Variants in NCOA2 observed in about 807,000 individuals in gnomAD.
NCOA2 encodes the protein class E basic helix-loop-helix protein 75.
NCOA2 carries 21 observed loss-of-function variants against 145.1 expected under a neutral mutation model. That is an observed-to-expected ratio of 0.14 (90% CI 0.10 to 0.21). The LOEUF is 0.21. Ranked by LOEUF, NCOA2 falls within the 10% of genes least tolerant of loss-of-function variation. NCOA2 has a pLI of 1.00. For synonymous variants in NCOA2, 619 were observed against 637.5 expected, an observed-to-expected ratio of 0.97 and a Z score of 0.44; for missense variants, 1,472 against 1,837.6, an observed-to-expected ratio of 0.80 and a Z score of 3.64.
chr8:70,169,622 C>G lies in NCOA2; in HGVS notation c.541+580G>C, dbSNP rs570864319. 8.5e-5 allele frequency among the ~76,000 whole-genome samples: 13 copies of G among 152,278 alleles called. No homozygotes were observed. The South Asian group carries it at 1.5e-3, about 17-fold the overall frequency. On this transcript the variant is annotated intron_variant, in intron 6 of 22. Transcript: ENST00000452400. ...ATGTGTCACCTTAAAAAAACAATCT[C>G]TGCATTATAGCACAAAGGACAGATG... is the stretch of plus-strand genomic sequence containing the variant.
intron 1 of NCOA2, among the ~76,000 whole-genome samples, chr8:70,398,477 TAAC>T (rs768061883): frequency 6.6e-6 from 1 of 151,910 alleles, no homozygotes; most frequent in African/African-American, 2.4e-5. Flanking sequence ...ATAATAATAA[TAAC>T]AACAACAGCA....
At chr8:70,453,409 G>T in the NCOA2 span, among the ~76,000 whole-genome samples, 1 of 152,182 alleles carries the variant, frequency 6.6e-6, no homozygotes, top group South Asian at 2.1e-4. Context: ...GAGTGGAGAT[G>T]AAACTAATCC....
rs941451103 is a variant in NCOA2, at chr8:70,112,006, A to AT, written c.*1625dup. ...TGAAACTGACACCTATTAATAAAAG[A>AT]TTTTTCCCCTACCAGAGTGGGCAAG... On this transcript the variant is annotated 3_prime_UTR_variant, in exon 23 of 23. Transcript: ENST00000452400. The AT allele has an allele frequency of 1.2e-4, 26 of 217,732 alleles. No homozygotes were observed. Among genetic ancestry groups the AT allele is most frequent in the African/African-American group, 5.4e-4 (24 of 44,602 alleles). The allele number at this position is 217,732 out of a possible 1,614,324, so 13.5% of individuals were successfully genotyped here. A position where few individuals can be genotyped will look rare whatever the true frequency, so the allele number is the denominator to read the frequency against.
At chr8:70,307,501 G>C (rs948510080) in intron 1 of NCOA2, among the ~76,000 whole-genome samples, 3 of 152,132 alleles carry the variant, frequency 2.0e-5, no homozygotes, top group Non-Finnish European at 4.4e-5. Flanking sequence ...CTTTCATTTT[G>C]ATGAAAATCT....
At chr8:70,437,760 A>G in the NCOA2 span, among the ~76,000 whole-genome samples, 1 of 152,222 alleles carries the variant, frequency 6.6e-6, no homozygotes, top group African/African-American at 2.4e-5. Context: ...AAATGAATGT[A>G]CAGCAAAAAA....
chr8:70,355,949 A>G (rs1809650021), intron 1 of NCOA2, among the ~76,000 whole-genome samples: 1 of 152,122 alleles, frequency 6.6e-6, no homozygotes, highest in Non-Finnish European at 1.5e-5. Flanking sequence ...TTTTATGCTA[A>G]TCTCTCTCAT....
the NCOA2 span, among the ~76,000 whole-genome samples, chr8:70,444,405 T>C: frequency 6.6e-6 from 1 of 152,184 alleles, no homozygotes; most frequent in African/African-American, 2.4e-5. Context: ...ATCTTTATGA[T>C]GAAACTATTA....
chr8:70,328,419 G>C (rs1478446475), intron 1 of NCOA2, among the ~76,000 whole-genome samples: 1 of 152,020 alleles, frequency 6.6e-6, no homozygotes, highest in Non-Finnish European at 1.5e-5. Context: ...GTCCTCTCTA[G>C]GTCTCCTAGA....
chr8:70,260,742 A>G (rs896559187), intron 2 of NCOA2, among the ~76,000 whole-genome samples: 129 of 152,364 alleles, frequency 8.5e-4, no homozygotes, highest in African/African-American at 3.0e-3. Context: ...CCTTAAAAGC[A>G]GGAACAGTAA....
intron 1 of NCOA2, among the ~76,000 whole-genome samples, chr8:70,355,593 T>C (rs771487340): frequency 1.3e-4 from 20 of 152,058 alleles, no homozygotes; most frequent in East Asian, 3.9e-4. Context: ...CTTTTTTTTT[T>C]TCTCTCATCG....
chr8:70,371,211 C>T (rs1395767947), intron 1 of NCOA2, among the ~76,000 whole-genome samples: 1 of 152,080 alleles, frequency 6.6e-6, no homozygotes, highest in Non-Finnish European at 1.5e-5. Flanking sequence ...ATGGCATAAA[C>T]CCAGGAGGTG....
intron 1 of NCOA2, among the ~76,000 whole-genome samples, chr8:70,328,307 G>A (rs1047536839): frequency 3.3e-5 from 5 of 152,118 alleles, no homozygotes; most frequent in South Asian, 2.1e-4. Flanking sequence ...GAAAGAAACC[G>A]ATTATTTTTC....
intron 14 of NCOA2, among the ~76,000 whole-genome samples, chr8:70,139,290 C>T (rs1034186063): frequency 2.0e-5 from 3 of 152,104 alleles, no homozygotes; most frequent in African/African-American, 7.2e-5. Flanking sequence ...TACAATAAAG[C>T]TTATAGAGCC....
At chr8:70,259,043 T>C (rs1823887593) in intron 2 of NCOA2, among the ~76,000 whole-genome samples, 1 of 152,216 alleles carries the variant, frequency 6.6e-6, no homozygotes, top group South Asian at 2.1e-4. Context: ...TGACTTGGCC[T>C]GGCATTTTTA....
At chr8:70,393,454 T>A (rs1441549861) in intron 1 of NCOA2, among the ~76,000 whole-genome samples, 1 of 152,112 alleles carries the variant, frequency 6.6e-6, no homozygotes, top group African/African-American at 2.4e-5. Context: ...CCATCCTCTA[T>A]CTACCTACCA....
the NCOA2 span, among the ~76,000 whole-genome samples, chr8:70,414,914 C>T: frequency 6.6e-6 from 1 of 151,826 alleles, no homozygotes; most frequent in African/African-American, 2.4e-5. Context: ...ACATGAAGCC[C>T]AGGAGATAAT....
chr8:70,364,170 G>A (rs550027634), intron 1 of NCOA2, among the ~76,000 whole-genome samples: 2 of 151,992 alleles, frequency 1.3e-5, no homozygotes, highest in Non-Finnish European at 2.9e-5. Flanking sequence ...TGGAGAGGAA[G>A]CATTACCTTA....
intron 2 of NCOA2, among the ~76,000 whole-genome samples, chr8:70,222,175 T>A (rs1228718650): frequency 3.9e-5 from 6 of 152,194 alleles, no homozygotes; most frequent in Non-Finnish European, 2.9e-5. Flanking sequence ...TTCAAATAAA[T>A]CCAGAAAAAT....
At chr8:70,198,757 C>CA (rs1817598497) in intron 4 of NCOA2, among the ~76,000 whole-genome samples, 2 of 152,026 alleles carry the variant, frequency 1.3e-5, no homozygotes, top group African/African-American at 4.8e-5. Flanking sequence ...TCGGTAAGGA[C>CA]AAAACAGGTG....
Sources: gnomAD v4.1 joint callset for allele counts (sites outside exome capture counted in the v4.1 genomes callset) on GRCh38, gnomAD v4.1.1 for gene constraint, MANE v1.5 for transcripts, NCBI Gene and HGNC (gene_info 2026-07-23, HGNC 2026-07-21) for gene names.